The following GULP1 variants were observed in gnomAD, a reference collection of about 807,000 sequenced individuals.
The protein encoded by GULP1 is GULP PTB domain containing engulfment adaptor 1.
GULP1 carries 19 observed loss-of-function variants against 40.9 expected under a neutral mutation model. The ratio of observed to expected loss-of-function variants is 0.46; its 90% confidence interval spans 0.32 to 0.68. The LOEUF (loss-of-function observed/expected upper bound fraction) is 0.68. GULP1 is among the 30% of genes least tolerant of loss of function. The pLI, the probability that GULP1 is intolerant of heterozygous loss-of-function variation, is 0.03. For missense variants in GULP1, 312 were observed against 362.2 expected (o/e 0.86, Z 1.12); for synonymous variants, 119 against 117.6 (o/e 1.01, Z -0.08).
At chr2:188,351,835 T>G (rs2044489796) in intron 1 of GULP1, among the ~76,000 whole-genome samples, 1 of 152,164 alleles carries the variant, frequency 6.6e-6, no homozygotes, top group Non-Finnish European at 1.5e-5. Context: ...CGTATTAAAT[T>G]TCTTCATTTA....
intron 2 of GULP1, among the ~76,000 whole-genome samples, chr2:188,408,342 C>T (rs896951867): frequency 6.6e-6 from 1 of 151,904 alleles, no homozygotes; most frequent in African/African-American, 2.4e-5. Flanking sequence ...GTTATAGTAA[C>T]AGAAAATGGA....
chr2:188,558,807 G>C (rs1176358782), intron 7 of GULP1, among the ~76,000 whole-genome samples: 1 of 152,184 alleles, frequency 6.6e-6, no homozygotes, highest in Non-Finnish European at 1.5e-5. Context: ...AAAGAGACTG[G>C]CAGCATTTTG....
chr2:188,295,356 G>A (rs540682939), intron 1 of GULP1, among the ~76,000 whole-genome samples: 1 of 152,208 alleles, frequency 6.6e-6, no homozygotes, highest in East Asian at 1.9e-4. Context: ...GCATCATCGG[G>A]CCTGTATTCC....
chr2:188,588,939 T>A (rs1230594478), intron 11 of GULP1: 1 of 152,112 alleles, frequency 6.6e-6, no homozygotes, highest in South Asian at 2.1e-4. Context: ...TTCATTATTG[T>A]TCTAGATGTA....
intron 4 of GULP1, among the ~76,000 whole-genome samples, chr2:188,521,852 G>A (rs1450209004): frequency 5.3e-5 from 8 of 152,078 alleles, no homozygotes; most frequent in East Asian, 3.9e-4. Context: ...GGAAGCAGGC[G>A]GATCACGAGG....
At chr2:188,309,237 G>T (rs2106306896) in intron 1 of GULP1, among the ~76,000 whole-genome samples, 1 of 152,162 alleles carries the variant, frequency 6.6e-6, no homozygotes, top group Admixed American at 6.5e-5. Context: ...AGGTTGAGGT[G>T]GGCAGGTTGC....
intron 4 of GULP1, among the ~76,000 whole-genome samples, chr2:188,487,195 A>G (rs1444665472): frequency 6.6e-6 from 1 of 151,984 alleles, no homozygotes; most frequent in Non-Finnish European, 1.5e-5. Flanking sequence ...TGAGACAGTC[A>G]TTTCCTAGAT....
chr2:188,589,731 G>A, intron 11 of GULP1: 1 of 1,385,400 alleles, frequency 7.2e-7, no homozygotes, highest in Non-Finnish European at 9.7e-7. Context: ...CTGCTTTCAT[G>A]GTGGGTAGCG....
chr2:188,478,316 A>G (rs550465363), intron 3 of GULP1, among the ~76,000 whole-genome samples: 11 of 152,262 alleles, frequency 7.2e-5, no homozygotes, highest in South Asian at 2.1e-4. Context: ...GGGCAGAAAA[A>G]CATGGCATTT....
chr2:188,557,230 T>C (rs976495987), intron 7 of GULP1, among the ~76,000 whole-genome samples: 1 of 152,168 alleles, frequency 6.6e-6, no homozygotes, highest in African/African-American at 2.4e-5. Context: ...CCCAAAGTCT[T>C]AACTTGTTTT....
intron 2 of GULP1, among the ~76,000 whole-genome samples, chr2:188,403,976 G>T (rs1575036423): frequency 6.6e-6 from 1 of 152,246 alleles, no homozygotes; most frequent in Non-Finnish European, 1.5e-5. Context: ...ACTCACTACT[G>T]AAATTGCTCT....
At chr2:188,547,322 G>A (rs1303915351) in intron 7 of GULP1, among the ~76,000 whole-genome samples, 1 of 151,396 alleles carries the variant, frequency 6.6e-6, no homozygotes, top group Non-Finnish European at 1.5e-5. Flanking sequence ...ACCCAGTAAT[G>A]CATTATATTA....
chr2:188,593,905 A>C (rs1704078801), intron 11 of GULP1, 35 bp from the exon 12 acceptor site: 7 of 1,133,308 alleles, frequency 6.2e-6, no homozygotes, highest in Non-Finnish European at 9.4e-6. Context: ...TGCTGTAAGC[A>C]TTTCAGATAT....
chr2:188,509,250 G>T (rs2153192510), intron 4 of GULP1, among the ~76,000 whole-genome samples: 1 of 152,186 alleles, frequency 6.6e-6, no homozygotes, highest in South Asian at 2.1e-4. Flanking sequence ...GTCTCAATAT[G>T]TTCCAGCTCA....
chr2:188,364,953 CTT>C (rs1319088884), intron 1 of GULP1, among the ~76,000 whole-genome samples: 1 of 151,240 alleles, frequency 6.6e-6, no homozygotes, highest in Non-Finnish European at 1.5e-5. Context: ...CACACACACA[CTT>C]GGGTCAATTC....
chr2:188,301,541 C>T (rs184870961), intron 1 of GULP1, among the ~76,000 whole-genome samples: 16 of 152,312 alleles, frequency 1.1e-4, no homozygotes, highest in African/African-American at 3.6e-4. Context: ...CAAATGTCCA[C>T]TCTTTCCCAC....
At chr2:188,299,358 C>G in intron 1 of GULP1, among the ~76,000 whole-genome samples, 1 of 152,134 alleles carries the variant, frequency 6.6e-6, no homozygotes, top group Non-Finnish European at 1.5e-5. Flanking sequence ...AAACAAAGAA[C>G]AGGGAAGCTC....
chr2:188,468,714 G>C (rs2060334590), intron 2 of GULP1, among the ~76,000 whole-genome samples: 1 of 152,162 alleles, frequency 6.6e-6, no homozygotes, highest in Non-Finnish European at 1.5e-5. Flanking sequence ...CAGTGAAATA[G>C]ATTGGGGTTA....
intron 4 of GULP1, among the ~76,000 whole-genome samples, chr2:188,492,584 T>C (rs2062497780): frequency 6.6e-6 from 1 of 151,718 alleles, no homozygotes; most frequent in Admixed American, 6.6e-5. Flanking sequence ...AACAATAACA[T>C]GAAACTGTAA....
Sources: gnomAD v4.1 joint callset for allele counts (sites outside exome capture counted in the v4.1 genomes callset) on GRCh38, gnomAD v4.1.1 for gene constraint, MANE v1.5 for transcripts, NCBI Gene and HGNC (gene_info 2026-07-23, HGNC 2026-07-21) for gene names.